The following VWA5B1 variants were observed in gnomAD, a reference collection of about 807,000 sequenced individuals.
VWA5B1 encodes von Willebrand factor A domain-containing protein 5B1.
VWA5B1 carries 115 observed loss-of-function variants against 118.2 expected under a neutral mutation model. The ratio of observed to expected loss-of-function variants is 0.97; its 90% CI spans 0.84 to 1.14. VWA5B1 has a LOEUF of 1.14. Ranked by LOEUF, VWA5B1 falls within the 50% of genes most tolerant of loss-of-function variation. The pLI is 0.00. For missense variants in VWA5B1, 1,596 were observed against 1,603.8 expected (o/e 1.00, Z 0.08); for synonymous variants, 682 against 658.4 (o/e 1.04, Z -0.55).
chr1:20,348,077 C>T (rs2090044818), intron 17 of VWA5B1, among the ~76,000 whole-genome samples, 168 bp from the exon 18 acceptor site: 1 of 152,278 alleles, frequency 6.6e-6, no homozygotes, highest in East Asian at 1.9e-4. Context: ...GGGGCTCAAA[C>T]CTGGGTCTTT....
Position 20,314,445 on chromosome 1 carries a change from A to G in VWA5B1, c.416A>G (p.Glu139Gly). 6.4e-7 allele frequency: 1 copy of G among 1,551,802 alleles called. No homozygotes were observed. Among genetic ancestry groups the G allele is most frequent in the Non-Finnish European group, 8.7e-7 (1 of 1,147,014 alleles). The change falls in exon 4 of 22, where the codon GAG (glutamate) becomes GGG (glycine). Residue 139 changes from glutamate to glycine, a missense_variant. By Grantham distance (98) the Glu-to-Gly change is moderately conservative (BLOSUM62 -2). Coordinates refer to ENST00000289815, the MANE Select transcript of VWA5B1 (RefSeq NM_001039500.3). ...AACCTGGGGACCATTGCCCCCATGG[A>G]GAATGTCACCATCTTCATCAGCACC... ...VANLGTIAPM[E>G]NVTIFISTSS...
chr1:20,309,568 G>A (rs1417738782), intron 1 of VWA5B1, among the ~76,000 whole-genome samples: 1 of 152,244 alleles, frequency 6.6e-6, no homozygotes, highest in African/African-American at 2.4e-5. Flanking sequence ...CCGTGGTGAT[G>A]CTGGGCTGGA....
chr1:20,330,318 G>T lies in VWA5B1; in HGVS notation c.1393G>T (p.Asp465Tyr). 1 of 1,551,814 alleles carries T rather than the reference G, an allele frequency of 6.4e-7. No homozygotes were observed. The highest frequency in any genetic ancestry group is 8.7e-7 in the Non-Finnish European group (1 of 1,147,026). The change falls in exon 10 of 22, where the codon GAT becomes TAT. Residue 465 changes from aspartate (D) to tyrosine (Y), a missense_variant. Physicochemically the swap from Asp to Tyr is radical, Grantham distance 160. Transcript: ENST00000289815. Reference sequence around the variant, plus strand: ...CCCGCGGCTCCTCTTCGTGATCACAGATGGCGCTGTCAACAACACAGGGAA... The same window carrying T: ...CCCGCGGCTCCTCTTCGTGATCACATATGGCGCTGTCAACAACACAGGGAA... The part of the protein sequence containing the change: ...GHPRLLFVIT[D>Y]GAVNNTGKVL...
chr1:20,304,443 T>C (rs1323548739), intron 1 of VWA5B1, among the ~76,000 whole-genome samples: 1 of 152,040 alleles, frequency 6.6e-6, no homozygotes, highest in Non-Finnish European at 1.5e-5. Flanking sequence ...GCGGTGGCAC[T>C]GGAGAGAGAC....
Position 20,343,050 on chromosome 1 carries a change from G to T in VWA5B1, c.2312-29G>T, listed in dbSNP as rs956322301. 3 of 1,487,000 alleles carry T rather than the reference G, an allele frequency of 2.0e-6. No individual in the cohort carries two copies. In the East Asian group the frequency reaches 7.5e-5, roughly 37 times the overall value. The allele number at this position is 1,487,000 out of a possible 1,614,324, so 92.1% of individuals were successfully genotyped here. On this transcript the variant is annotated intron_variant, in intron 15 of 21. Transcript: ENST00000289815. ...TTGGCCGTCTGTCCCCCAGGTCAGC[G>T]CTTGGCCCACTTGTCCCTCTGCCCG...
At position 20,336,494 on chromosome 1, in the gene VWA5B1, T is replaced by G. The variant is rs2089722030; in HGVS notation, c.1942+8T>G. 1 of 1,371,738 alleles carries G rather than the reference T, an allele frequency of 7.3e-7. No individual in the cohort carries two copies. Among genetic ancestry groups the G allele is most frequent in the African/African-American group, 1.5e-5 (1 of 67,966 alleles). The allele number at this position is 1,371,738 out of a possible 1,614,324, so 85.0% of individuals were successfully genotyped here. Reference sequence around the variant, plus strand: ...ACTCTACCACCAAGCACGGTTCGTCTGCGGCTCTGATGATTGCTGCCTTAC... The same window carrying G: ...ACTCTACCACCAAGCACGGTTCGTCGGCGGCTCTGATGATTGCTGCCTTAC... On this transcript the variant is annotated splice_region_variant and intron_variant, in intron 13 of 21. Coordinates refer to ENST00000289815, the MANE Select transcript of VWA5B1 (RefSeq NM_001039500.3).
chr1:20,343,673 A>T (rs938014676), intron 16 of VWA5B1, among the ~76,000 whole-genome samples: 1 of 5,106 alleles, frequency 2.0e-4, no homozygotes, highest in Non-Finnish European at 4.4e-4. Context: ...CCACCCCTCC[A>T]TGGCCCGCCC....
At chr1:20,293,054 C>T (rs1412357867) in intron 1 of VWA5B1, among the ~76,000 whole-genome samples, 1 of 152,152 alleles carries the variant, frequency 6.6e-6, no homozygotes, top group South Asian at 2.1e-4. Context: ...TAGACACTGG[C>T]GATTAGGCTG....
chr1:20,302,641 T>G (rs546255707), intron 1 of VWA5B1, among the ~76,000 whole-genome samples: 4 of 152,274 alleles, frequency 2.6e-5, no homozygotes, highest in African/African-American at 4.8e-5. Flanking sequence ...CATATAGTTC[T>G]GTTAAATGGA....
intron 8 of VWA5B1, among the ~76,000 whole-genome samples, chr1:20,324,921 G>A (rs540983387): frequency 3.3e-5 from 5 of 152,288 alleles, no homozygotes; most frequent in Non-Finnish European, 5.9e-5. Flanking sequence ...AGCTGTCCTC[G>A]GTGCTGGAGT....
chr1:20,337,510 A>T, intron 13 of VWA5B1, 136 bp from the exon 14 acceptor site: 3 of 971,192 alleles, frequency 3.1e-6, no homozygotes, highest in Non-Finnish European at 4.5e-6. Context: ...TTTGGATGCC[A>T]GGGGAGGCAT....
chr1:20,352,184 G>C lies in VWA5B1; in HGVS notation c.3141+12G>C. On this transcript the variant is annotated intron_variant, in intron 21 of 21. Transcript: ENST00000289815. ...ACTACATACCTCTGGTGAGTGCCCT[G>C]ACCCCAGGTGTCAGTCTCCCTCCGC... 6.5e-7 allele frequency: 1 copy of C among 1,544,566 alleles called. No individual in the cohort carries two copies. Among genetic ancestry groups the C allele is most frequent in the Non-Finnish European group, 8.8e-7 (1 of 1,142,264 alleles).
chr1:20,322,436 G>T (rs2089248262), intron 7 of VWA5B1, among the ~76,000 whole-genome samples: 1 of 152,184 alleles, frequency 6.6e-6, no homozygotes, highest in African/African-American at 2.4e-5. Flanking sequence ...AAGGGTCCTG[G>T]CCTCAGGGCC....
Position 20,343,135 on chromosome 1 carries a change from C to T in VWA5B1, c.2368C>T (p.Pro790Ser). 1 of 1,546,032 alleles carries T rather than the reference C, an allele frequency of 6.5e-7. No homozygotes were observed. Among genetic ancestry groups the T allele is most frequent in the Non-Finnish European group, 8.7e-7 (1 of 1,143,920 alleles). ...ETETSSDWDP[P>S]AESQERASPS... ...AGAGACGTCCTCGGACTGGGACCCC[C>T]CAGCCGAGTCCCAGGAGCGAGCCAG... The change falls in exon 16 of 22, where the codon CCA (proline) becomes TCA (serine). Residue 790 changes from proline to serine, a missense_variant. By Grantham distance (74) the Pro-to-Ser change is moderately conservative (BLOSUM62 -1). Transcript: ENST00000289815.
At chr1:20,298,805 C>T (rs1177235074) in intron 1 of VWA5B1, among the ~76,000 whole-genome samples, 1 of 152,152 alleles carries the variant, frequency 6.6e-6, no homozygotes, top group Non-Finnish European at 1.5e-5. Flanking sequence ...CTGGTTGGTT[C>T]AGTCTGTGTT....
In VWA5B1 at chr1:20,357,456, G is replaced by A. The variant is rs1268791002; in HGVS notation, c.*3193G>A. On this transcript the variant is annotated 3_prime_UTR_variant, in exon 22 of 22. Coordinates refer to ENST00000289815, the MANE Select transcript of VWA5B1 (RefSeq NM_001039500.3). ...ACCCGTTAATATGTTACTGTGCGTT[G>A]TCAGGCTCCGAGCAGGTGACCCAGC... Among the ~76,000 whole-genome samples the A allele has an allele frequency of 6.6e-6, 1 of 152,186 alleles. No individual in the cohort carries two copies. Among genetic ancestry groups the A allele is most frequent in the African/African-American group, 2.4e-5 (1 of 41,436 alleles).
At chr1:20,331,852 T>A (rs1191379414) in intron 11 of VWA5B1, among the ~76,000 whole-genome samples, 1 of 152,102 alleles carries the variant, frequency 6.6e-6, no homozygotes, top group East Asian at 1.9e-4. Flanking sequence ...AAAGCTCACC[T>A]CTATACTTGC....
chr1:20,323,807 T>A (rs1325061085), intron 8 of VWA5B1, among the ~76,000 whole-genome samples: 2 of 152,126 alleles, frequency 1.3e-5, no homozygotes, highest in East Asian at 3.9e-4. Flanking sequence ...AGGTACTGAG[T>A]GGAGCAGGGC....
intron 4 of VWA5B1, 60 bp downstream of exon 4, chr1:20,314,652 G>T: frequency 6.5e-7 from 1 of 1,526,870 alleles, no homozygotes; most frequent in Non-Finnish European, 8.8e-7. Flanking sequence ...AGTGCGTCAG[G>T]TGACATTAGT....
Sources: gnomAD v4.1 joint callset for allele counts (sites outside exome capture counted in the v4.1 genomes callset) on GRCh38, gnomAD v4.1.1 for gene constraint, MANE v1.5 for transcripts, NCBI Gene and HGNC (gene_info 2026-07-23, HGNC 2026-07-21) for gene names.